The following MEF2A variants were observed in gnomAD, a reference collection of about 807,000 sequenced individuals.
MEF2A encodes myocyte-specific enhancer factor 2A.
A neutral mutation model predicts 55.8 loss-of-function variants in MEF2A; 28 were observed. The observed-to-expected ratio is 0.50, with a 90% CI of 0.37 to 0.69. MEF2A has a LOEUF of 0.69. Among genes scored for constraint, MEF2A ranks in the 30% least tolerant of loss-of-function variants. The probability of loss-of-function intolerance (pLI) is 0.00; values close to 1 mark genes in which losing one functional copy is unlikely to be tolerated. For synonymous variants in MEF2A, 239 were observed against 227.1 expected, an observed-to-expected ratio of 1.05 and a Z score of -0.47; for missense variants, 528 against 626.2, an observed-to-expected ratio of 0.84 and a Z score of 1.67.
intron 1 of MEF2A, among the ~76,000 whole-genome samples, chr15:99,590,264 T>C (rs549822030): frequency 1.1e-4 from 17 of 151,980 alleles, no homozygotes; most frequent in Non-Finnish European, 2.4e-4. Context: ...AAAATCTTCT[T>C]TGTCTGATAT....
chr15:99,673,096 C>CA (rs1437458014), intron 5 of MEF2A, among the ~76,000 whole-genome samples: 4 of 152,172 alleles, frequency 2.6e-5, no homozygotes, highest in Non-Finnish European at 5.9e-5. Context: ...ACTGAATAAA[C>CA]TGTGTATTGT....
At chr15:99,639,450 A>G (rs544622300) in intron 3 of MEF2A, among the ~76,000 whole-genome samples, 17 of 152,218 alleles carry the variant, frequency 1.1e-4, no homozygotes, top group Non-Finnish European at 2.1e-4. Flanking sequence ...AGTTTTAGGA[A>G]TAAATATTCT....
At chr15:99,595,844 C>T (rs1970982068) in intron 1 of MEF2A, among the ~76,000 whole-genome samples, 1 of 152,140 alleles carries the variant, frequency 6.6e-6, no homozygotes, top group South Asian at 2.1e-4. Flanking sequence ...AAGAGCTTAA[C>T]AGTCTCAGCA....
At chr15:99,661,477 G>C (rs1433677245) in intron 4 of MEF2A, among the ~76,000 whole-genome samples, 6 of 149,470 alleles carry the variant, frequency 4.0e-5, no homozygotes, top group Non-Finnish European at 5.9e-5. Flanking sequence ...AATTAGCCAA[G>C]GGCTTACATT....
intron 4 of MEF2A, among the ~76,000 whole-genome samples, chr15:99,662,033 A>G (rs2048739734): frequency 6.6e-6 from 1 of 152,220 alleles, no homozygotes; most frequent in African/African-American, 2.4e-5. Flanking sequence ...GTGTGGTTCC[A>G]TTTACATATC....
rs1453936185 is a variant in MEF2A, at chr15:99,716,026, T to C, written c.*3255T>C. The C allele has an allele frequency of 6.4e-6, 1 of 155,850 alleles. No homozygotes were observed. Among genetic ancestry groups the C allele is most frequent in the African/African-American group, 2.4e-5 (1 of 41,462 alleles). 9.7% of individuals were successfully genotyped at this position (155,850 alleles called of 1,614,324 possible). On this transcript the variant is annotated 3_prime_UTR_variant, in exon 12 of 12. Transcript: ENST00000557942. ...AACCATCATGCGCACAAGAAATACA[T>C]AGTAAATAAGGAAGCTGAAAACTCC...
rs1277725135 is a variant in MEF2A at position 99,713,772 on chromosome 15, G to A, written c.*1001G>A. 1 of 151,606 alleles carries A rather than the reference G, an allele frequency of 6.6e-6. No individual in the cohort carries two copies. The allele number at this position is 151,606 out of a possible 1,614,324, so 9.4% of individuals were successfully genotyped here. A position where few individuals can be genotyped will look rare whatever the true frequency, so the allele number is the denominator to read the frequency against. ...TAAGAGGGGAAAACAAAAATATCTT[G>A]CAAGCAGAACCTTGGAAAAAAAAAG... On this transcript the variant is annotated 3_prime_UTR_variant, in exon 12 of 12. Transcript: ENST00000557942.
At chr15:99,619,725 TG>T (rs1208957196) in intron 2 of MEF2A, among the ~76,000 whole-genome samples, 2 of 152,178 alleles carry the variant, frequency 1.3e-5, no homozygotes, top group Non-Finnish European at 2.9e-5. Context: ...TATTTGCAAA[TG>T]TGTGGTATTT....
rs572581381 is a variant in MEF2A at position 99,625,756 on chromosome 15, C to T, written c.-142-7222C>T. Among the ~76,000 whole-genome samples the T allele has an allele frequency of 2.0e-5, 3 of 151,502 alleles. No homozygotes were observed. The South Asian group carries it at 6.3e-4, about 32-fold the overall frequency. ...ATCATGTTTTTTTTCCCTCTTTATT[C>T]TCTTATGTGGTGTGTCACATTGATT... On this transcript the variant is annotated intron_variant, in intron 2 of 11. Transcript: ENST00000557942.
At position 99,715,689 on chromosome 15, in the gene MEF2A, C is replaced by G. The variant is rs2059082442; in HGVS notation, c.*2918C>G. The G allele has an allele frequency of 6.6e-6, 1 of 152,138 alleles. No homozygotes were observed. Among genetic ancestry groups the G allele is most frequent in the South Asian group, 2.1e-4 (1 of 4,830 alleles). The allele number at this position is 152,138 out of a possible 1,614,324, so 9.4% of individuals were successfully genotyped here. ...TCGTGTTTTGTATGAGACACCATTG[C>G]AAGAAAATTTTATCCCTCCAGAAGT... On this transcript the variant is annotated 3_prime_UTR_variant, in exon 12 of 12. Coordinates refer to ENST00000557942, the MANE Select transcript of MEF2A (RefSeq NM_001319206.4).
intron 4 of MEF2A, among the ~76,000 whole-genome samples, chr15:99,660,540 G>A (rs1481836353): frequency 6.6e-6 from 1 of 152,170 alleles, no homozygotes; most frequent in Non-Finnish European, 1.5e-5. Context: ...GGTCCTATAT[G>A]TGGAACCATA....
At chr15:99,625,788 T>C (rs1001377623) in intron 2 of MEF2A, among the ~76,000 whole-genome samples, 3 of 152,164 alleles carry the variant, frequency 2.0e-5, no homozygotes, top group Non-Finnish European at 4.4e-5. Flanking sequence ...GATTTTAGTA[T>C]GTTGAAACAT....
At chr15:99,618,683 A>G (rs2040619248) in intron 2 of MEF2A, among the ~76,000 whole-genome samples, 1 of 152,196 alleles carries the variant, frequency 6.6e-6, no homozygotes, top group African/African-American at 2.4e-5. Flanking sequence ...TGTAGTACAT[A>G]TACACATAAA....
chr15:99,577,431 G>C (rs1235186374), intron 1 of MEF2A, among the ~76,000 whole-genome samples: 2 of 129,848 alleles, frequency 1.5e-5, no homozygotes, highest in South Asian at 5.4e-4. Flanking sequence ...ACGGTCAGGG[G>C]GGAGTATGGA....
intron 4 of MEF2A, among the ~76,000 whole-genome samples, chr15:99,648,868 G>T (rs1266524304): frequency 6.6e-6 from 1 of 152,160 alleles, no homozygotes; most frequent in Admixed American, 6.5e-5. Context: ...TATTAGGTCT[G>T]CGGAGTTAGA....
intron 4 of MEF2A, among the ~76,000 whole-genome samples, chr15:99,666,518 G>A (rs1431957997): frequency 6.6e-6 from 1 of 151,080 alleles, no homozygotes; most frequent in Admixed American, 6.6e-5. Flanking sequence ...AGCCACCATG[G>A]CACATGTATA....
At chr15:99,641,319 C>T (rs76883806) in intron 3 of MEF2A, among the ~76,000 whole-genome samples, 1 of 152,252 alleles carries the variant, frequency 6.6e-6, no homozygotes, top group East Asian at 1.9e-4. Context: ...TTCTGGAGGG[C>T]GTCTGTCTGC....
rs1484360600 is a variant in MEF2A at position 99,688,500 on chromosome 15, G to A, written c.671-1741G>A. 2.0e-5 allele frequency among the ~76,000 whole-genome samples: 3 copies of A among 152,194 alleles called. No homozygotes were observed. In the East Asian group the frequency reaches 5.8e-4, roughly 29 times the overall value. On this transcript the variant is annotated intron_variant, in intron 7 of 11. Transcript: ENST00000557942. Reference sequence around the variant, plus strand: ...TGGCCGGACACGTTGGCTCATGCCTGTAATCCCAGCACTTTGGGAGGCCGA... The same window carrying A: ...TGGCCGGACACGTTGGCTCATGCCTATAATCCCAGCACTTTGGGAGGCCGA...
intron 7 of MEF2A, chr15:99,678,784 T>G: frequency 5.7e-6 from 4 of 699,140 alleles, no homozygotes; most frequent in Non-Finnish European, 7.0e-6. Context: ...TGTGTGAAAA[T>G]TGGAAACTTT....
Sources: gnomAD v4.1 joint callset for allele counts (sites outside exome capture counted in the v4.1 genomes callset) on GRCh38, gnomAD v4.1.1 for gene constraint, MANE v1.5 for transcripts, NCBI Gene and HGNC (gene_info 2026-07-23, HGNC 2026-07-21) for gene names.